SART1: variants seen among roughly 807,000 people sequenced by gnomAD.
SART1 encodes U4/U6.U5 tri-snRNP-associated protein 1.
In SART1, 28 loss-of-function variants were observed where a neutral mutation model predicts 105.0. The ratio of observed to expected loss-of-function variants is 0.27; its 90% CI spans 0.20 to 0.37. SART1 has a LOEUF of 0.37. Ranked by LOEUF, SART1 falls within the 10% of genes least tolerant of loss-of-function variation. The pLI, the probability that SART1 is intolerant of heterozygous loss-of-function variation, is 1.00. For synonymous variants in SART1, 472 were observed against 462.9 expected (o/e 1.02, Z -0.25); for missense variants, 894 against 1,106.5 (o/e 0.81, Z 2.72).
At chr11:65,969,408 G>A (rs1221871928) in intron 12 of SART1, among the ~76,000 whole-genome samples, 1 of 152,222 alleles carries the variant, frequency 6.6e-6, no homozygotes, top group African/African-American at 2.4e-5. Flanking sequence ...CTAGCCCCGT[G>A]GATCTCAGCC....
At position 65,967,513 on chromosome 11, in the gene SART1, G is replaced by A. The variant is rs1396837148; in HGVS notation, c.1356G>A (p.Glu452=). The A allele has an allele frequency of 1.2e-6, 2 of 1,613,066 alleles. No individual in the cohort carries two copies. Among genetic ancestry groups the A allele is most frequent in the Non-Finnish European group, 1.7e-6 (2 of 1,180,000 alleles). ...RGRRRVSEVE[E]EKEPVPQPLP... ...GCCGCCGAGTGTCCGAAGTGGAGGA[G>A]GAGAAGGAGCCTGTGCCTCAGCCCC... The change falls in exon 11 of 20, where the codon GAG becomes GAA. Residue 452 remains glutamate (E), a synonymous_variant. Transcript: ENST00000312397.
At position 65,965,625 on chromosome 11, in the gene SART1, C is replaced by T. The variant is rs552788434; in HGVS notation, c.661-77C>T. 78 of 1,481,258 alleles carry T rather than the reference C, an allele frequency of 5.3e-5. No homozygotes were observed. In the East Asian group the frequency reaches 1.3e-3, roughly 24 times the overall value. 91.8% of individuals were successfully genotyped at this position (1,481,258 alleles called of 1,614,324 possible). The stretch of plus-strand genomic sequence containing the variant: ...TGCAAGGCCTGCCCTTTTTGCACTC[C>T]GCTTGGTAGAGCCCTGAGTGTTTTC... On this transcript the variant is annotated intron_variant, in intron 5 of 19. Transcript: ENST00000312397.
chr11:65,973,853 A>G (rs1855430351), intron 12 of SART1, among the ~76,000 whole-genome samples: 1 of 152,218 alleles, frequency 6.6e-6, no homozygotes, highest in African/African-American at 2.4e-5. Context: ...AACAAATCAC[A>G]GAAGAGTCAT....
Position 65,966,569 on chromosome 11 carries a change from GTGCCTTATAC to G in SART1, c.1188+15_1188+24del. 6.7e-7 allele frequency: 1 copy of G among 1,494,192 alleles called. No homozygotes were observed. The highest frequency in any genetic ancestry group is 8.9e-7 in the Non-Finnish European group (1 of 1,125,762). 92.6% of individuals were successfully genotyped at this position (1,494,192 alleles called of 1,614,324 possible). On this transcript the variant is annotated intron_variant, in intron 9 of 19. Transcript: ENST00000312397. ...GCCTGAGGAGATGGTGAGCCCTCCC[GTGCCTTATAC>G]TCGGGGTCAAGATTCTCCCTCCCTC...
At position 65,966,363 on chromosome 11, in the gene SART1, C is replaced by G. The variant is rs780513044; in HGVS notation, c.995C>G (p.Ser332Cys). ...CTTGCCTTGCAGCAAAAACCTCGCT[C>G]TATCCTGTCCAAGTATGACGAAGAG... ...VDDLAQQKPR[S>C]ILSKYDEELE... is the part of the protein sequence containing the mutation. Residue 332 changes from serine (S) to cysteine (C), a missense_variant, in exon 9 of 20, where the codon TCT (serine) becomes TGT (cysteine). Coordinates refer to ENST00000312397, the MANE Select transcript of SART1 (RefSeq NM_005146.5). The G allele has an allele frequency of 6.2e-7, 1 of 1,614,014 alleles. No homozygotes were observed. Among genetic ancestry groups the G allele is most frequent in the South Asian group, 1.1e-5 (1 of 91,072 alleles).
Position 65,966,395 on chromosome 11 carries a change from G to A in SART1, c.1027G>A (p.Gly343Arg). 1.2e-6 allele frequency: 2 copies of A among 1,613,986 alleles called. No homozygotes were observed. Among genetic ancestry groups the A allele is most frequent in the Non-Finnish European group, 1.7e-6 (2 of 1,180,048 alleles). The change falls in exon 9 of 20, where the codon GGG becomes AGG. Residue 343 changes from glycine (G) to arginine (R), a missense_variant. By Grantham distance (125) the Gly-to-Arg change is moderately radical (BLOSUM62 -2). Coordinates refer to ENST00000312397, the MANE Select transcript of SART1 (RefSeq NM_005146.5). Reference protein sequence around the residue: ...ILSKYDEELEGERPHSFRLEQ... With the variant: ...ILSKYDEELERERPHSFRLEQ... ...GTCCAAGTATGACGAAGAGCTTGAA[G>A]GGGAGCGGCCACATTCCTTCCGCTT...
chr11:65,965,893 T>C lies in SART1; in HGVS notation c.745T>C (p.Tyr249His), dbSNP rs1159543163. Residue 249 changes from tyrosine to histidine, a missense_variant, in exon 7 of 20, where the codon TAC becomes CAC. Transcript: ENST00000312397. ...TCGCCGATTCTTCCCTTAGGACCTG[T>C]ACAGTGCCCGGGACCTGCAGGGCCT... ...EEFGQRRQDL[Y>H]SARDLQGLTV... 1 of 1,614,068 alleles carries C rather than the reference T, an allele frequency of 6.2e-7. No homozygotes were observed.
chr11:65,974,400 G>T, intron 12 of SART1, among the ~76,000 whole-genome samples: 2 of 133,284 alleles, frequency 1.5e-5, no homozygotes, highest in Admixed American at 8.4e-5. Context: ...AACCATATCA[G>T]CCGGGTGTGG....
Position 65,978,677 on chromosome 11 carries a change from G to A in SART1, c.2250G>A (p.Leu750=), listed in dbSNP as rs747454857. Residue 750 remains leucine, a synonymous_variant, in exon 18 of 20, where the codon CTG becomes CTA. Coordinates refer to ENST00000312397, the MANE Select transcript of SART1 (RefSeq NM_005146.5). The surrounding 1 kb of genome is among the most constrained non-coding windows in gnomAD (Gnocchi z 6.8). ...KMKTERRMKK[L]DEEALLKKMS... Reference sequence around the variant, plus strand: ...AGACAGAGCGGCGGATGAAGAAGCTGGACGAGGAGGCGGTGGGTGCCCTTG... The same window carrying A: ...AGACAGAGCGGCGGATGAAGAAGCTAGACGAGGAGGCGGTGGGTGCCCTTG... 7 of 1,606,488 alleles carry A rather than the reference G, an allele frequency of 4.4e-6. No individual in the cohort carries two copies. Among genetic ancestry groups the A allele is most frequent in the Non-Finnish European group, 5.1e-6 (6 of 1,176,694 alleles).
intron 15 of SART1, 94 bp from the exon 16 acceptor site, chr11:65,977,469 G>T: frequency 9.8e-7 from 1 of 1,021,674 alleles, no homozygotes; most frequent in East Asian, 2.4e-5. Context: ...CAAGGAAAGG[G>T]AGGTGCCCCC....
chr11:65,964,248 A>G (rs1855203837), intron 2 of SART1, 117 bp downstream of exon 2: 2 of 983,350 alleles, frequency 2.0e-6, no homozygotes, highest in Non-Finnish European at 3.2e-6. Context: ...AAGATTGTTT[A>G]AATCATCTTA....
intron 3 of SART1, 124 bp from the exon 4 acceptor site, chr11:65,964,968 G>T: frequency 7.9e-7 from 1 of 1,265,012 alleles, no homozygotes. Context: ...GGAGGTGAAG[G>T]ATTGTTCCTT....
chr11:65,972,297 G>C (rs1307442886), intron 12 of SART1, among the ~76,000 whole-genome samples: 5 of 152,154 alleles, frequency 3.3e-5, no homozygotes, highest in Non-Finnish European at 7.4e-5. Context: ...CCCCGAGACA[G>C]AATCGTGTCC....
At chr11:65,972,272 G>A (rs1252984260) in intron 12 of SART1, among the ~76,000 whole-genome samples, 3 of 152,160 alleles carry the variant, frequency 2.0e-5, no homozygotes, top group Admixed American at 1.3e-4. Context: ...AGAACAGAGA[G>A]ACCAGACAGC....
intron 1 of SART1, chr11:65,963,858 G>C: frequency 1.7e-6 from 1 of 600,198 alleles, no homozygotes; most frequent in Non-Finnish European, 3.0e-6. Context: ...TCTTGGGTCA[G>C]GAAAGGAAGG....
At chr11:65,962,960 G>GT (rs1032356854) in intron 1 of SART1, among the ~76,000 whole-genome samples, 2 of 151,962 alleles carry the variant, frequency 1.3e-5, no homozygotes, top group African/African-American at 2.4e-5. Context: ...AAATTGAGGA[G>GT]TAGGGAAGAG....
In SART1 at chr11:65,979,781, A is replaced by G. The variant is rs1222368991; in HGVS notation, c.*751A>G. ...GCTCCCACATTTTAAGATTTTAAAA[A>G]TGAAACCAAAAAATAAATTGAAGAA... is the stretch of plus-strand genomic sequence containing the variant. On this transcript the variant is annotated 3_prime_UTR_variant, in exon 20 of 20. Coordinates refer to ENST00000312397, the MANE Select transcript of SART1 (RefSeq NM_005146.5). 1.3e-5 allele frequency: 2 copies of G among 152,232 alleles called. No individual in the cohort carries two copies. Among genetic ancestry groups the G allele is most frequent in the Non-Finnish European group, 2.9e-5 (2 of 68,052 alleles). 9.4% of individuals were successfully genotyped at this position (152,232 alleles called of 1,614,324 possible).
rs1855154575 is a variant in SART1, at chr11:65,962,088, A to G, written c.308A>G (p.Glu103Gly). 5 of 990,244 alleles carry G rather than the reference A, an allele frequency of 5.0e-6. No homozygotes were observed. In the South Asian group the frequency reaches 8.4e-5, roughly 17 times the overall value. The allele number at this position is 990,244 out of a possible 1,614,324, so 61.3% of individuals were successfully genotyped here. Residue 103 changes from glutamate to glycine, a missense_variant, in exon 1 of 20, where the codon GAG becomes GGG. By Grantham distance (98) the Glu-to-Gly change is moderately conservative. Transcript: ENST00000312397. ...VKREKRDDGY[E>G]AAASSKTSSG... ...CGGGAGAAGCGCGATGACGGCTACG[A>G]GGCCGGTGAGGAGGCGGGGCCTGCG...
At position 65,978,550 on chromosome 11, in the gene SART1, T is replaced by A; in HGVS notation, c.2173-50T>A. ...TATACACCTTGTGGGCACAGGTGGCTCCGGCCCCACCCAGGGCCCTGCATC... is the reference window on the plus strand; with the variant it reads ...TATACACCTTGTGGGCACAGGTGGCACCGGCCCCACCCAGGGCCCTGCATC... On this transcript the variant is annotated intron_variant, in intron 17 of 19. Coordinates refer to ENST00000312397, the MANE Select transcript of SART1 (RefSeq NM_005146.5). This position sits in a 1 kb window ranked among gnomAD's most constrained non-coding sequence, Gnocchi z 6.8. 5 of 1,525,748 alleles carry A rather than the reference T, an allele frequency of 3.3e-6. No homozygotes were observed. Among genetic ancestry groups the A allele is most frequent in the Non-Finnish European group, 4.4e-6 (5 of 1,125,122 alleles). 94.5% of individuals were successfully genotyped at this position (1,525,748 alleles called of 1,614,324 possible).
Sources: gnomAD v4.1 joint callset for allele counts (sites outside exome capture counted in the v4.1 genomes callset) on GRCh38, gnomAD v4.1.1 for gene constraint, Gnocchi (gnomAD v3.1) non-coding constraint, MANE v1.5 for transcripts, NCBI Gene and HGNC (gene_info 2026-07-23, HGNC 2026-07-21) for gene names.